The following ANGPTL4 variants were observed in gnomAD, a reference collection of about 807,000 sequenced individuals.
ANGPTL4 encodes the protein angiopoietin-related protein 4.
Under a neutral mutation model 39.2 loss-of-function variants are expected in ANGPTL4, and 39 were observed. The observed-to-expected ratio is 1.00, with a 90% CI of 0.77 to 1.30. ANGPTL4 has a LOEUF of 1.30. Among genes scored for constraint, ANGPTL4 ranks in the 50% most tolerant of loss-of-function variants. The pLI, the probability that ANGPTL4 is intolerant of heterozygous loss-of-function variation, is 0.00. For missense variants in ANGPTL4, 545 were observed against 549.8 expected (o/e 0.99, Z 0.09); for synonymous variants, 233 against 229.5 (o/e 1.02, Z -0.14).
intron 6 of ANGPTL4, among the ~76,000 whole-genome samples, chr19:8,372,077 A>G (rs1971132671): frequency 6.9e-6 from 1 of 145,864 alleles, no homozygotes; most frequent in African/African-American, 2.6e-5. Context: ...ATTTTTTGAG[A>G]CAGAGTCCCG....
At position 8,371,305 on chromosome 19, in the gene ANGPTL4, C is replaced by G; in HGVS notation, c.822C>G (p.Ala274=). 6.2e-7 allele frequency: 1 copy of G among 1,613,892 alleles called. No individual in the cohort carries two copies. The highest frequency in any genetic ancestry group is 8.5e-7 in the Non-Finnish European group (1 of 1,180,032). Residue 274 remains alanine, a synonymous_variant, in exon 6 of 7, where the codon GCC becomes GCG. Coordinates refer to ENST00000301455, the MANE Select transcript of ANGPTL4 (RefSeq NM_139314.3). The surrounding 1 kb of genome is among the most constrained non-coding windows in gnomAD (Gnocchi z 5.1). ...CGGGGGACCGCAACAGCCGCCTGGC[C>G]GTGCAGCTGCGGGACTGGGATGGCA... ...SITGDRNSRL[A]VQLRDWDGNA... is the part of the protein sequence containing the mutation.
At position 8,366,797 on chromosome 19, in the gene ANGPTL4, ACT is replaced by A. The variant is rs368429780; in HGVS notation, c.547+481_547+482del. On this transcript the variant is annotated intron_variant, in intron 3 of 6. Coordinates refer to ENST00000301455, the MANE Select transcript of ANGPTL4 (RefSeq NM_139314.3). ...AACCCCCAGCTCCCAGACCAGAAACACTCTTGTATCTTACAAATCCAATGCTC... is the reference window on the plus strand; with the variant it reads ...AACCCCCAGCTCCCAGACCAGAAACACTTGTATCTTACAAATCCAATGCTC... 2.4e-3 allele frequency among the ~76,000 whole-genome samples: 360 copies of A among 150,874 alleles called. 1 individual carries two copies. Among genetic ancestry groups the A allele is most frequent in the African/African-American group, 8.6e-3 (351 of 40,998 alleles).
chr19:8,372,849 T>A (rs891899316), intron 6 of ANGPTL4, among the ~76,000 whole-genome samples: 1 of 152,206 alleles, frequency 6.6e-6, no homozygotes, highest in East Asian at 1.9e-4. Flanking sequence ...CCCAGCTACT[T>A]GGGAGGCCCA....
Position 8,369,396 on chromosome 19 carries a change from GAAAAC to G in ANGPTL4, c.661+79_661+83del, listed in dbSNP as rs954727508. ...AGGCCCTGTTGTCTTTCTTTAAATT[GAAAAC>G]AAAACAAAACAAAAAAATTAAAGGC... On this transcript the variant is annotated intron_variant, in intron 4 of 6. Coordinates refer to ENST00000301455, the MANE Select transcript of ANGPTL4 (RefSeq NM_139314.3). The G allele has an allele frequency of 1.7e-5, 22 of 1,259,226 alleles. No individual in the cohort carries two copies. In the African/African-American group the frequency reaches 2.7e-4, roughly 15 times the overall value. The allele number at this position is 1,259,226 out of a possible 1,614,324, so 78.0% of individuals were successfully genotyped here. A position where few individuals can be genotyped will look rare whatever the true frequency, so the allele number is the denominator to read the frequency against.
intron 6 of ANGPTL4, 66 bp from the exon 7 acceptor site, chr19:8,373,639 A>T: frequency 6.2e-7 from 1 of 1,610,126 alleles, no homozygotes. Context: ...CCCTATCCCT[A>T]TCTCCTTTCA....
At chr19:8,366,638 TG>T (rs1971012009) in intron 3 of ANGPTL4, among the ~76,000 whole-genome samples, 1 of 151,858 alleles carries the variant, frequency 6.6e-6, no homozygotes, top group Non-Finnish European at 1.5e-5. Context: ...AAGGTAGAAA[TG>T]GGGTTCGGGG....
At chr19:8,373,431 T>C (rs1971164492) in intron 6 of ANGPTL4, among the ~76,000 whole-genome samples, 1 of 148,206 alleles carries the variant, frequency 6.7e-6, no homozygotes, top group Admixed American at 6.7e-5. Context: ...ATTAGCCAGG[T>C]GTGGTGGCAG....
intron 4 of ANGPTL4, 123 bp downstream of exon 4, chr19:8,369,455 C>CTTT (rs569969146): frequency 3.9e-4 from 127 of 325,198 alleles, no homozygotes; most frequent in East Asian, 1.6e-3. Context: ...CCAAGCTGGT[C>CTTT]TTTTTTTTTT....
rs993608144 is a variant in ANGPTL4, at chr19:8,364,558, C to T, written c.237C>T (p.Ala79=). 1 of 1,580,690 alleles carries T rather than the reference C, an allele frequency of 6.3e-7. No homozygotes were observed. The highest frequency in any genetic ancestry group is 1.8e-5 in the Admixed American group (1 of 55,394). Residue 79 remains alanine (A), a synonymous_variant, in exon 1 of 7, where the codon GCC becomes GCT. Coordinates refer to ENST00000301455, the MANE Select transcript of ANGPTL4 (RefSeq NM_139314.3). ...LERRLSACGS[A]CQGTEGSTDL... ...GGCGCCTGAGCGCGTGCGGGTCCGC[C>T]TGTCAGGGAACCGAGGGGTCCACCG...
chr19:8,369,070 T>A, intron 3 of ANGPTL4, 149 bp from the exon 4 acceptor site: 1 of 634,588 alleles, frequency 1.6e-6, no homozygotes, highest in South Asian at 1.8e-5. Context: ...TGGAAGAGGT[T>A]AGGCAGATGG....
intron 3 of ANGPTL4, among the ~76,000 whole-genome samples, chr19:8,367,397 G>A (rs1971027736): frequency 2.0e-5 from 3 of 152,220 alleles, no homozygotes; most frequent in South Asian, 4.1e-4. Flanking sequence ...GGCCCGCCAA[G>A]TAGGAGAAAG....
In ANGPTL4 at chr19:8,373,796, A is replaced by G. The variant is rs141084256; in HGVS notation, c.1131A>G (p.Gly377=). ...AGCAGCGGCAGAAGCTTAAGAAGGG[A>G]ATCTTCTGGAAGACCTGGCGGGGCC... ...IPQQRQKLKK[G]IFWKTWRGRY... is the part of the protein sequence containing the mutation. The change falls in exon 7 of 7, where the codon GGA becomes GGG. Residue 377 remains glycine, a synonymous_variant. Transcript: ENST00000301455. 25 of 1,613,892 alleles carry G rather than the reference A, an allele frequency of 1.5e-5. No homozygotes were observed. In the African/African-American group the frequency reaches 3.2e-4, roughly 21 times the overall value.
Position 8,365,949 on chromosome 19 carries a change from C to T in ANGPTL4, c.319-5C>T. On this transcript the variant is annotated splice_region_variant and splice_polypyrimidine_tract_variant and intron_variant, in intron 1 of 6. Coordinates refer to ENST00000301455, the MANE Select transcript of ANGPTL4 (RefSeq NM_139314.3). ...GTCCTCACCAAGGTTTTCACCCCTC[C>T]CCAGACACAACTCAAGGCTCAGAAC... is the stretch of plus-strand genomic sequence containing the variant. 1 of 1,613,718 alleles carries T rather than the reference C, an allele frequency of 6.2e-7. No homozygotes were observed. The highest frequency in any genetic ancestry group is 8.5e-7 in the Non-Finnish European group (1 of 1,179,700).
chr19:8,366,310 C>T lies in ANGPTL4; in HGVS notation c.538C>T (p.Arg180Cys), dbSNP rs752602300. The change falls in exon 3 of 7, where the codon CGC (arginine) becomes TGC (cysteine). Residue 180 changes from arginine to cysteine, a missense_variant. Transcript: ENST00000301455. The part of the protein sequence containing the change: ...QPVDPAHNVS[R>C]LHRLPRDCQE... ...AGTTGACCCGGCTCACAATGTCAGCCGCCTGCACCGTGAGTGTCTGCCCCT... is the reference window on the plus strand; with the variant it reads ...AGTTGACCCGGCTCACAATGTCAGCTGCCTGCACCGTGAGTGTCTGCCCCT... 4.8e-5 allele frequency: 78 copies of T among 1,613,604 alleles called. No individual in the cohort carries two copies. The highest frequency in any genetic ancestry group is 5.9e-5 in the Non-Finnish European group (70 of 1,179,992).
intron 2 of ANGPTL4, 32 bp downstream of exon 2, chr19:8,366,096 T>C (rs1474705984): frequency 1.9e-6 from 3 of 1,609,362 alleles, no homozygotes; most frequent in Admixed American, 3.3e-5. Context: ...AAAAGGTCCC[T>C]CTGATAGCTG....
intron 3 of ANGPTL4, among the ~76,000 whole-genome samples, chr19:8,366,833 TG>T (rs1349508952): frequency 1.3e-5 from 2 of 152,000 alleles, no homozygotes; most frequent in Admixed American, 1.3e-4. Flanking sequence ...TCCAGGTCCC[TG>T]ACCCCTCTTC....
chr19:8,364,438 C>A lies in ANGPTL4; in HGVS notation c.117C>A (p.Asp39Glu). The A allele has an allele frequency of 6.4e-7, 1 of 1,554,836 alleles. No individual in the cohort carries two copies. Among genetic ancestry groups the A allele is most frequent in the Non-Finnish European group, 8.7e-7 (1 of 1,151,980 alleles). Residue 39 changes from aspartate (D) to glutamate (E), a missense_variant, in exon 1 of 7, where the codon GAC becomes GAA. By Grantham distance (45) the Asp-to-Glu change is conservative. Coordinates refer to ENST00000301455, the MANE Select transcript of ANGPTL4 (RefSeq NM_139314.3). ...AGTCGCCGCGCTTTGCGTCCTGGGA[C>A]GAGATGAATGTCCTGGCGCACGGAC... ...QSKSPRFASW[D>E]EMNVLAHGLL... is the part of the protein sequence containing the mutation.
In ANGPTL4 at chr19:8,364,650, C is replaced by G; in HGVS notation, c.318+11C>G. ...CTTCACAGCCTGCAGGTACGTGTCC[C>G]CAGGGCTGGTTCTCCGCGCCCCTAG... On this transcript the variant is annotated intron_variant, in intron 1 of 6. Transcript: ENST00000301455. 1 of 1,581,048 alleles carries G rather than the reference C, an allele frequency of 6.3e-7. No individual in the cohort carries two copies. Among genetic ancestry groups the G allele is most frequent in the Non-Finnish European group, 8.6e-7 (1 of 1,164,318 alleles).
rs766070708 is a variant in ANGPTL4 at position 8,366,238 on chromosome 19, G to T, written c.466G>T (p.Val156Leu). 1.2e-6 allele frequency: 2 copies of T among 1,614,136 alleles called. No homozygotes were observed. Residue 156 changes from valine (V) to leucine (L), a missense_variant, in exon 3 of 7, where the codon GTG (valine) becomes TTG (leucine). By Grantham distance (32) the Val-to-Leu change is conservative (BLOSUM62 1). Coordinates refer to ENST00000301455, the MANE Select transcript of ANGPTL4 (RefSeq NM_139314.3). Reference protein sequence around the residue: ...LLDHKHLDHEVAKPARRKRLP... With the variant: ...LLDHKHLDHELAKPARRKRLP... Reference sequence around the variant, plus strand: ...GGACCACAAGCACCTAGACCATGAGGTGGCCAAGCCTGCCCGAAGAAAGAG... The same window carrying T: ...GGACCACAAGCACCTAGACCATGAGTTGGCCAAGCCTGCCCGAAGAAAGAG...
Sources: allele counts gnomAD v4.1 joint callset (sites outside exome capture counted in the v4.1 genomes callset), GRCh38; gene constraint gnomAD v4.1.1; non-coding constraint Gnocchi (gnomAD v3.1); transcripts MANE v1.5; gene names NCBI Gene and HGNC (gene_info 2026-07-23, HGNC 2026-07-21).